ZFAT: variants seen among roughly 807,000 people sequenced by gnomAD.
ZFAT encodes zinc finger and AT-hook domain containing.
A neutral mutation model predicts 117.7 loss-of-function variants in ZFAT; 64 were observed. That is an observed-to-expected ratio of 0.54 (90% CI 0.44 to 0.67). The LOEUF (loss-of-function observed/expected upper bound fraction) is 0.67, where lower values mean the gene tolerates loss of function less well. Ranked by LOEUF, ZFAT falls within the 30% of genes least tolerant of loss-of-function variation. ZFAT has a pLI of 0.00. For missense variants in ZFAT, 1,433 were observed against 1,584.5 expected (o/e 0.90, Z 1.62); for synonymous variants, 679 against 615.0 (o/e 1.10, Z -1.54).
intron 1 of ZFAT, among the ~76,000 whole-genome samples, chr8:134,658,899 G>T (rs1434347443): frequency 1.3e-5 from 2 of 152,218 alleles, no homozygotes; most frequent in Non-Finnish European, 2.9e-5. Flanking sequence ...GAACTTTGGG[G>T]ATGGAACTTG....
At chr8:134,831,891 C>A in the ZFAT span, among the ~76,000 whole-genome samples, 1 of 152,050 alleles carries the variant, frequency 6.6e-6, no homozygotes, top group African/African-American at 2.4e-5. Flanking sequence ...TCCCGAGAGC[C>A]TGTCAGCGCC....
the ZFAT span, among the ~76,000 whole-genome samples, chr8:134,818,264 C>T: frequency 1.3e-5 from 2 of 151,910 alleles, no homozygotes; most frequent in Admixed American, 1.3e-4. Context: ...ACATAAGAAC[C>T]CTCAGAATGC....
At chr8:134,803,568 C>T in the ZFAT span, among the ~76,000 whole-genome samples, 1 of 152,132 alleles carries the variant, frequency 6.6e-6, no homozygotes, top group Non-Finnish European at 1.5e-5. Flanking sequence ...TGACCCCCAT[C>T]CCCAAATAAG....
At chr8:134,746,091 A>G in the ZFAT span, among the ~76,000 whole-genome samples, 14 of 152,294 alleles carry the variant, frequency 9.2e-5, no homozygotes, top group Admixed American at 7.2e-4. Context: ...TTTGGAATCT[A>G]CCATTATATT....
chr8:134,608,846 G>C lies in ZFAT; in HGVS notation c.668C>G (p.Pro223Arg). 2 of 1,609,734 alleles carry C rather than the reference G, an allele frequency of 1.2e-6. No individual in the cohort carries two copies. The highest frequency in any genetic ancestry group is 1.7e-6 in the Non-Finnish European group (2 of 1,178,432). Residue 223 changes from proline (P) to arginine (R), a missense_variant, in exon 5 of 16, where the codon CCC (proline) becomes CGC (arginine). Physicochemically the swap from Pro to Arg is moderately radical, Grantham distance 103 (BLOSUM62 -2). This residue lies in a region of ZFAT where 436 missense variants were observed against 482.0 expected (regional missense o/e 0.90). Transcript: ENST00000377838. Reference sequence around the variant, plus strand: ...AGAATTTGTAGCTCCTGTTTCAGGGGGCCCAGCCTCCACTGGCACAATCTT... The same window carrying C: ...AGAATTTGTAGCTCCTGTTTCAGGGCGCCCAGCCTCCACTGGCACAATCTT... ...ATKIVPVEAG[P>R]PETGATNSET...
chr8:134,561,276 G>C (rs1366904023), intron 11 of ZFAT, among the ~76,000 whole-genome samples: 2 of 152,188 alleles, frequency 1.3e-5, no homozygotes, highest in African/African-American at 4.8e-5. Context: ...ACAAAATGCT[G>C]ATTTAAAAGG....
At chr8:134,669,886 C>A (rs188398247) in intron 1 of ZFAT, among the ~76,000 whole-genome samples, 2,033 of 152,048 alleles carry the variant, frequency 0.013, 51 homozygotes, top group African/African-American at 0.045. Context: ...CACATAGGCT[C>A]AAAATAAAGG....
At chr8:134,761,139 T>C in the ZFAT span, among the ~76,000 whole-genome samples, 1 of 152,218 alleles carries the variant, frequency 6.6e-6, no homozygotes, top group African/African-American at 2.4e-5. Flanking sequence ...GATTGGTGTT[T>C]CTCAAGCTCA....
chr8:134,560,820 T>C (rs901661433), intron 11 of ZFAT, among the ~76,000 whole-genome samples: 9 of 152,180 alleles, frequency 5.9e-5, no homozygotes, highest in African/African-American at 1.9e-4. Flanking sequence ...GTTGAATAGC[T>C]AGATGGAAGG....
intron 11 of ZFAT, among the ~76,000 whole-genome samples, chr8:134,556,844 G>C (rs1379466648): frequency 3.3e-5 from 5 of 151,906 alleles, no homozygotes; most frequent in Admixed American, 3.3e-4. Flanking sequence ...AGATCTGCGG[G>C]GAGAAAATGA....
chr8:134,514,046 T>G (rs548183764), intron 13 of ZFAT, among the ~76,000 whole-genome samples: 1 of 152,342 alleles, frequency 6.6e-6, no homozygotes, highest in South Asian at 2.1e-4. Context: ...GGGGAAAGCA[T>G]GTCATAGTTG....
chr8:134,793,364 A>C, the ZFAT span: 1 of 152,362 alleles, frequency 6.6e-6, no homozygotes, highest in Admixed American at 6.5e-5. Context: ...TATACTATTA[A>C]GACTTGACAC....
chr8:134,522,192 C>T lies in ZFAT; in HGVS notation c.3116-1191G>A, dbSNP rs1409198559. ...CCCCAGGTAAGGAGGATGCCAGGCC[C>T]GGGCAGGGCAGCAATGCCACCTCCA... On this transcript the variant is annotated intron_variant, in intron 12 of 15. Coordinates refer to ENST00000377838, the MANE Select transcript of ZFAT (RefSeq NM_020863.4). Among the ~76,000 whole-genome samples the T allele has an allele frequency of 3.9e-5, 6 of 152,238 alleles. No individual in the cohort carries two copies. In the South Asian group the frequency reaches 6.2e-4, roughly 16 times the overall value.
At chr8:134,719,403 C>T in the ZFAT span, among the ~76,000 whole-genome samples, 5 of 152,092 alleles carry the variant, frequency 3.3e-5, no homozygotes, top group African/African-American at 9.7e-5. Context: ...CGGGTGGGGG[C>T]GAATCAAGTG....
intron 15 of ZFAT, among the ~76,000 whole-genome samples, chr8:134,503,246 T>G (rs1280464175): frequency 6.6e-6 from 1 of 152,162 alleles, no homozygotes; most frequent in East Asian, 1.9e-4. Context: ...CAGCTGTCAC[T>G]CTCTCAAGGA....
the ZFAT span, among the ~76,000 whole-genome samples, chr8:134,730,618 C>A: frequency 6.6e-6 from 1 of 152,182 alleles, no homozygotes. Flanking sequence ...TTGGTGTGAT[C>A]CCCTGTTTAA....
chr8:134,832,077 G>A, the ZFAT span, among the ~76,000 whole-genome samples: 1 of 149,554 alleles, frequency 6.7e-6, no homozygotes, highest in Non-Finnish European at 1.5e-5. Context: ...CCCGAGGCGC[G>A]CCTGGAGCGG....
At position 134,600,592 on chromosome 8, in the gene ZFAT, A is replaced by T; in HGVS notation, c.2319T>A (p.Ser773=). The part of the protein sequence containing the change: ...THTREHLYYC[S]QCHYSSITKN... ...TGGTGATGGAAGAATAATGACACTG[A>T]GAGCAATAATACAGATGTTCCCGGG... The change falls in exon 7 of 16, where the codon TCT becomes TCA. Residue 773 remains serine, a synonymous_variant. Transcript: ENST00000377838. 6.2e-7 allele frequency: 1 copy of T among 1,614,094 alleles called. No individual in the cohort carries two copies. Among genetic ancestry groups the T allele is most frequent in the Non-Finnish European group, 8.5e-7 (1 of 1,180,038 alleles).
At chr8:134,673,809 C>T (rs1035044305) in intron 1 of ZFAT, among the ~76,000 whole-genome samples, 3 of 152,124 alleles carry the variant, frequency 2.0e-5, no homozygotes, top group Non-Finnish European at 4.4e-5. Context: ...GACAGGAAAC[C>T]CAACATCAAG....
Sources: allele counts gnomAD v4.1 joint callset (sites outside exome capture counted in the v4.1 genomes callset), GRCh38; gene constraint gnomAD v4.1.1; regional missense constraint gnomAD v4.1.1; transcripts MANE v1.5; gene names NCBI Gene and HGNC (gene_info 2026-07-23, HGNC 2026-07-21).